Variants in CHL1 observed in about 807,000 individuals in gnomAD.
CHL1 encodes the protein neural cell adhesion molecule L1-like protein.
In CHL1, 96 loss-of-function variants were observed where a neutral mutation model predicts 141.9. That is an observed-to-expected ratio of 0.68 (90% CI 0.57 to 0.80). The LOEUF (loss-of-function observed/expected upper bound fraction) is 0.80, where lower values mean the gene tolerates loss of function less well. CHL1 is among the 30% of genes least tolerant of loss of function. The pLI is 0.00. For synonymous variants in CHL1, 613 were observed against 502.2 expected (o/e 1.22, Z -2.95); for missense variants, 1,820 against 1,457.2 (o/e 1.25, Z -4.05).
intron 27 of CHL1, among the ~76,000 whole-genome samples, chr3:402,217 G>T (rs942141617): frequency 6.6e-6 from 1 of 152,140 alleles, no homozygotes; most frequent in Non-Finnish European, 1.5e-5. Flanking sequence ...TAGGATTTTG[G>T]AAAAAGAATC....
At chr3:277,258 G>A (rs1304270386) in intron 2 of CHL1, among the ~76,000 whole-genome samples, 1 of 152,094 alleles carries the variant, frequency 6.6e-6, no homozygotes, top group Non-Finnish European at 1.5e-5. Context: ...AAAGTGCTAA[G>A]ATGTTCTCAG....
chr3:301,275 A>G lies in CHL1; in HGVS notation c.-94-18408A>G, dbSNP rs536392293. Among the ~76,000 whole-genome samples, 45 of 152,302 alleles carry G rather than the reference A, an allele frequency of 3.0e-4. No homozygotes were observed. In the South Asian group the frequency reaches 3.3e-3, roughly 11 times the overall value. On this transcript the variant is annotated intron_variant, in intron 2 of 27. Coordinates refer to ENST00000256509, the MANE Select transcript of CHL1 (RefSeq NM_006614.4). ...TATGCATGGCTGGCTTAGTCTGCAG[A>G]CCACATTTTTGGTTCACCTAGTGTT...
chr3:236,846 A>C (rs1469530982), intron 1 of CHL1, among the ~76,000 whole-genome samples: 2 of 144,938 alleles, frequency 1.4e-5, no homozygotes, highest in Admixed American at 6.7e-5. Context: ...CTTCAGTCCC[A>C]TTATTAGAGA....
chr3:384,710 A>C (rs780733326), intron 19 of CHL1: 3 of 152,248 alleles, frequency 2.0e-5, no homozygotes, highest in South Asian at 4.1e-4. Context: ...TCTGATGAGT[A>C]ATAGGCCTCC....
chr3:348,585 T>C (rs369977707), intron 9 of CHL1, among the ~76,000 whole-genome samples: 12 of 152,212 alleles, frequency 7.9e-5, no homozygotes, highest in African/African-American at 2.9e-4. Flanking sequence ...CCAGTCCTTT[T>C]TTCCTCCTTA....
chr3:271,292 G>T (rs1295463518), intron 2 of CHL1, among the ~76,000 whole-genome samples: 4 of 152,134 alleles, frequency 2.6e-5, no homozygotes, highest in Non-Finnish European at 4.4e-5. Context: ...TTGTTTAATG[G>T]GGTGAGGTTG....
chr3:396,120 A>G (rs1474042904), intron 24 of CHL1, among the ~76,000 whole-genome samples: 11 of 152,226 alleles, frequency 7.2e-5, no homozygotes, highest in Admixed American at 7.2e-4. Flanking sequence ...TTACTTCCCT[A>G]AAACTCACAA....
In CHL1 at chr3:221,544, C is replaced by G. The variant is rs115832138; in HGVS notation, c.-174-23069C>G. 3.5e-3 allele frequency among the ~76,000 whole-genome samples: 540 copies of G among 152,246 alleles called. 4 individuals carry two copies. Among genetic ancestry groups the G allele is most frequent in the African/African-American group, 0.012 (517 of 41,530 alleles). On this transcript the variant is annotated intron_variant, in intron 1 of 27. Transcript: ENST00000256509. The stretch of plus-strand genomic sequence containing the variant: ...TCCCTTTTACTTTTAATATCATGGT[C>G]CTTGTGAAAGACCAGACAAAAAGTC...
At chr3:280,841 A>C (rs1436311366) in intron 2 of CHL1, among the ~76,000 whole-genome samples, 1 of 152,076 alleles carries the variant, frequency 6.6e-6, no homozygotes, top group Admixed American at 6.6e-5. Flanking sequence ...TGGTTTTAAA[A>C]GTTAACTAAT....
chr3:230,664 A>G (rs1701777318), intron 1 of CHL1, among the ~76,000 whole-genome samples: 1 of 152,220 alleles, frequency 6.6e-6, no homozygotes, highest in South Asian at 2.1e-4. Flanking sequence ...CATCATTTAT[A>G]AATAAACCTA....
intron 18 of CHL1, among the ~76,000 whole-genome samples, chr3:383,588 C>A (rs1039290771): frequency 1.3e-5 from 2 of 152,082 alleles, no homozygotes; most frequent in African/African-American, 4.8e-5. Flanking sequence ...ACCATCTACT[C>A]TCCACTGGAT....
intron 15 of CHL1, among the ~76,000 whole-genome samples, chr3:374,391 C>T (rs1706034808): frequency 6.6e-6 from 1 of 152,168 alleles, no homozygotes; most frequent in Non-Finnish European, 1.5e-5. Context: ...AATTCTGCCT[C>T]TTTTGTTACT....
intron 5 of CHL1, among the ~76,000 whole-genome samples, chr3:339,175 C>T (rs1020034969): frequency 2.0e-5 from 3 of 152,104 alleles, no homozygotes; most frequent in African/African-American, 4.8e-5. Flanking sequence ...TAAGTTACAG[C>T]GAATAAAACT....
chr3:230,003 C>T (rs149785786), intron 1 of CHL1, among the ~76,000 whole-genome samples: 3 of 152,134 alleles, frequency 2.0e-5, no homozygotes, highest in East Asian at 1.9e-4. Flanking sequence ...TCCTTATCCC[C>T]GTGAGTTTCT....
chr3:349,172 T>G (rs1370698071), intron 9 of CHL1, among the ~76,000 whole-genome samples, 187 bp from the exon 10 acceptor site: 1 of 152,176 alleles, frequency 6.6e-6, no homozygotes, highest in Non-Finnish European at 1.5e-5. Context: ...GAAAGAGACT[T>G]GCTTCAACAC....
At chr3:276,054 G>C (rs1251330840) in intron 2 of CHL1, among the ~76,000 whole-genome samples, 1 of 151,774 alleles carries the variant, frequency 6.6e-6, no homozygotes, top group Non-Finnish European at 1.5e-5. Context: ...TTAAAGATAT[G>C]TTGAACTCTA....
At chr3:294,520 C>A (rs1437329612) in intron 2 of CHL1, among the ~76,000 whole-genome samples, 1 of 152,140 alleles carries the variant, frequency 6.6e-6, no homozygotes, top group Non-Finnish European at 1.5e-5. Flanking sequence ...CAGGTTATAC[C>A]AAGATCCCTC....
chr3:218,341 T>C (rs755731214), intron 1 of CHL1, among the ~76,000 whole-genome samples: 4 of 152,260 alleles, frequency 2.6e-5, no homozygotes, highest in Non-Finnish European at 5.9e-5. Flanking sequence ...CATTCAATTA[T>C]TGATCATAAG....
chr3:308,806 C>A, intron 2 of CHL1: 1 of 160,816 alleles, frequency 6.2e-6, no homozygotes. Context: ...ACGGCCCCAT[C>A]CTTATGCGAT....
Sources: allele counts gnomAD v4.1 joint callset (sites outside exome capture counted in the v4.1 genomes callset), GRCh38; gene constraint gnomAD v4.1.1; transcripts MANE v1.5; gene names NCBI Gene and HGNC (gene_info 2026-07-23, HGNC 2026-07-21).